Variants in CSMD1 observed in about 807,000 individuals in gnomAD.
The protein encoded by CSMD1 is CUB and sushi domain-containing protein 1.
A neutral mutation model predicts 417.5 loss-of-function variants in CSMD1; 213 were observed. The ratio of observed to expected loss-of-function variants is 0.51; its 90% CI spans 0.46 to 0.57. CSMD1 has a LOEUF of 0.57. Ranked by LOEUF, CSMD1 falls within the 20% of genes least tolerant of loss-of-function variation. The pLI is 0.00. For synonymous variants in CSMD1, 2,862 were observed against 1,736.8 expected (o/e 1.65, Z -16.11); for missense variants, 6,923 against 4,529.7 (o/e 1.53, Z -15.17).
intron 3 of CSMD1, among the ~76,000 whole-genome samples, chr8:4,247,985 T>C (rs1013198046): frequency 1.3e-5 from 2 of 152,208 alleles, no homozygotes; most frequent in African/African-American, 2.4e-5. Context: ...CAACCAACCT[T>C]CAGTTTAAGT....
intron 7 of CSMD1, among the ~76,000 whole-genome samples, chr8:3,641,273 G>A (rs768987451): frequency 6.6e-6 from 1 of 152,076 alleles, no homozygotes; most frequent in African/African-American, 2.4e-5. Flanking sequence ...AGGGGAGTAA[G>A]TGGCAGTGAT....
rs187677906 is a variant in CSMD1 at position 3,609,523 on chromosome 8, G to A, written c.1097+7187C>T. On this transcript the variant is annotated intron_variant, in intron 8 of 69. Transcript: ENST00000635120. ...TAGAATTAATATTTAGGTTGTCTAC[G>A]GAAAAGGGATTTCTCAAGAACCCAG... 6.6e-5 allele frequency among the ~76,000 whole-genome samples: 10 copies of A among 151,984 alleles called. No individual in the cohort carries two copies. The East Asian group carries it at 1.2e-3, about 18-fold the overall frequency.
intron 2 of CSMD1, among the ~76,000 whole-genome samples, chr8:4,585,260 A>T (rs1463315398): frequency 6.6e-6 from 1 of 152,216 alleles, no homozygotes; most frequent in Middle Eastern, 3.2e-3. Flanking sequence ...CTGGAGTCAC[A>T]TGGAAATTCT....
intron 3 of CSMD1, among the ~76,000 whole-genome samples, chr8:4,167,211 T>A (rs951097900): frequency 5.9e-5 from 9 of 152,182 alleles, no homozygotes; most frequent in African/African-American, 2.2e-4. Flanking sequence ...TATTTTAACT[T>A]GGAAAATCCT....
chr8:3,894,404 T>C (rs1404917510), intron 5 of CSMD1, among the ~76,000 whole-genome samples: 1 of 152,166 alleles, frequency 6.6e-6, no homozygotes, highest in African/African-American at 2.4e-5. Context: ...GGCTTAGACA[T>C]TTCCAAAGAC....
chr8:3,534,622 T>C (rs1448447236), intron 10 of CSMD1, among the ~76,000 whole-genome samples: 1 of 152,170 alleles, frequency 6.6e-6, no homozygotes, highest in Non-Finnish European at 1.5e-5. Flanking sequence ...TTCTGCTAGA[T>C]GTCAGTTGGT....
At chr8:3,775,276 A>T (rs1798836670) in intron 5 of CSMD1, among the ~76,000 whole-genome samples, 1 of 152,230 alleles carries the variant, frequency 6.6e-6, no homozygotes, top group Non-Finnish European at 1.5e-5. Context: ...ATTTAAAGAC[A>T]GTGAAAAATA....
chr8:3,376,631 G>A (rs970139556), intron 18 of CSMD1, among the ~76,000 whole-genome samples: 6 of 151,640 alleles, frequency 4.0e-5, no homozygotes, highest in South Asian at 2.1e-4. Flanking sequence ...TTTTCTTTGC[G>A]TTTGTCTTTC....
chr8:3,332,356 C>A (rs528920251), intron 23 of CSMD1, among the ~76,000 whole-genome samples: 1 of 152,208 alleles, frequency 6.6e-6, no homozygotes, highest in Non-Finnish European at 1.5e-5. Flanking sequence ...AGGGCTTGCC[C>A]GCTCCTCACC....
intron 5 of CSMD1, among the ~76,000 whole-genome samples, chr8:3,878,755 G>T (rs955212761): frequency 6.6e-6 from 1 of 152,058 alleles, no homozygotes; most frequent in African/African-American, 2.4e-5. Context: ...ACTTTATGTT[G>T]GACAGTTATG....
chr8:4,146,690 C>G, intron 3 of CSMD1, among the ~76,000 whole-genome samples: 1 of 139,862 alleles, frequency 7.1e-6, no homozygotes, highest in Non-Finnish European at 1.5e-5. Flanking sequence ...GGACTCACTG[C>G]AAGCTCCACC....
At position 4,914,248 on chromosome 8, in the gene CSMD1, G is replaced by A. The variant is rs189074242; in HGVS notation, c.85+80084C>T. ...CAAAGCTATGGAATTATGCAAGTGA[G>A]TGTGCAGAGGAAATAGAAACATTTC... On this transcript the variant is annotated intron_variant, in intron 1 of 69. Coordinates refer to ENST00000635120, the MANE Select transcript of CSMD1 (RefSeq NM_033225.6). Among the ~76,000 whole-genome samples the A allele has an allele frequency of 3.5e-3, 535 of 152,282 alleles. 3 individuals are homozygous for A. Among genetic ancestry groups the A allele is most frequent in the African/African-American group, 0.012 (513 of 41,558 alleles).
At chr8:3,083,649 T>TATATATA (rs58461366) in intron 49 of CSMD1, among the ~76,000 whole-genome samples, 33 of 11,178 alleles carry the variant, frequency 3.0e-3, no homozygotes, top group South Asian at 0.017. Flanking sequence ...TATATATATA[T>TATATATA]TTTTTTTTTT....
chr8:3,264,269 T>C (rs754311445), intron 26 of CSMD1, among the ~76,000 whole-genome samples: 1 of 152,238 alleles, frequency 6.6e-6, no homozygotes, highest in Non-Finnish European at 1.5e-5. Context: ...AATAAGTACC[T>C]GGTTTGGAAT....
chr8:3,964,890 T>C (rs1483736708), intron 5 of CSMD1, among the ~76,000 whole-genome samples: 1 of 152,210 alleles, frequency 6.6e-6, no homozygotes, highest in Non-Finnish European at 1.5e-5. Context: ...TATGCCTACT[T>C]TTAAAAAGTT....
intron 1 of CSMD1, among the ~76,000 whole-genome samples, chr8:4,977,606 G>A (rs894104010): frequency 1.1e-4 from 17 of 152,266 alleles, no homozygotes; most frequent in Admixed American, 9.8e-4. Context: ...TCACTCTCCT[G>A]AACACGCACC....
At chr8:4,427,377 G>C (rs1049518441) in intron 2 of CSMD1, among the ~76,000 whole-genome samples, 1 of 152,044 alleles carries the variant, frequency 6.6e-6, no homozygotes, top group Non-Finnish European at 1.5e-5. Flanking sequence ...TCTGGAACCA[G>C]GTGCTTTATC....
At chr8:3,413,715 A>C (rs1488486304) in intron 12 of CSMD1, among the ~76,000 whole-genome samples, 2 of 152,232 alleles carry the variant, frequency 1.3e-5, no homozygotes, top group East Asian at 3.9e-4. Context: ...AAGTTTTGCA[A>C]TTTTATTTGA....
At chr8:3,470,179 GT>G (rs1219847368) in intron 11 of CSMD1, among the ~76,000 whole-genome samples, 1 of 151,984 alleles carries the variant, frequency 6.6e-6, no homozygotes, top group African/African-American at 2.4e-5. Context: ...CTTCTTTAAA[GT>G]TTTTTTGTAA....
Sources: allele counts gnomAD v4.1 joint callset (sites outside exome capture counted in the v4.1 genomes callset), GRCh38; gene constraint gnomAD v4.1.1; transcripts MANE v1.5; gene names NCBI Gene and HGNC (gene_info 2026-07-23, HGNC 2026-07-21).